SORCS3: variants seen among roughly 807,000 people sequenced by gnomAD.
SORCS3 encodes the protein VPS10 domain-containing receptor SorCS3.
SORCS3 carries 57 observed loss-of-function variants against 146.3 expected under a neutral mutation model. The observed-to-expected ratio is 0.39, with a 90% confidence interval of 0.31 to 0.49. The LOEUF (loss-of-function observed/expected upper bound fraction) is 0.49. Among genes scored for constraint, SORCS3 ranks in the 20% least tolerant of loss-of-function variants. The pLI, the probability that SORCS3 is intolerant of heterozygous loss-of-function variation, is 0.92. For synonymous variants in SORCS3, 653 were observed against 618.5 expected, an observed-to-expected ratio of 1.06 and a Z score of -0.83; for missense variants, 1,341 against 1,575.5, an observed-to-expected ratio of 0.85 and a Z score of 2.52.
At chr10:104,815,096 C>T (rs1375694049) in intron 1 of SORCS3, among the ~76,000 whole-genome samples, 1 of 152,062 alleles carries the variant, frequency 6.6e-6, no homozygotes, top group Non-Finnish European at 1.5e-5. Flanking sequence ...GACACCTGTG[C>T]GTGATTACTG....
At chr10:104,818,403 T>TC (rs1441390831) in intron 1 of SORCS3, among the ~76,000 whole-genome samples, 14 of 151,394 alleles carry the variant, frequency 9.2e-5, no homozygotes, top group South Asian at 8.4e-4. Flanking sequence ...CTTCCTTCCT[T>TC]CTTTCTCTCT....
At chr10:104,849,416 A>C (rs1382956804) in intron 2 of SORCS3, among the ~76,000 whole-genome samples, 1 of 16,060 alleles carries the variant, frequency 6.2e-5, no homozygotes, top group Non-Finnish European at 1.4e-4. Context: ...CATCTCAAAA[A>C]AAAAAAAAAA....
chr10:105,071,464 C>T (rs546004987), intron 5 of SORCS3, among the ~76,000 whole-genome samples: 18 of 152,308 alleles, frequency 1.2e-4, no homozygotes, highest in Admixed American at 6.5e-4. Flanking sequence ...GTCCAGATAC[C>T]GTGCTAAGCA....
intron 4 of SORCS3, among the ~76,000 whole-genome samples, chr10:104,977,969 A>G (rs1361494175): frequency 6.6e-6 from 1 of 151,934 alleles, no homozygotes; most frequent in Admixed American, 6.6e-5. Context: ...TAACCTCGTG[A>G]TCCGCCCGCC....
rs1297661865 is a variant in SORCS3 at position 105,157,262 on chromosome 10, G to A, written c.1607G>A (p.Gly536Glu). ...CAAGCTCCGGATGTGGACCTGAGAG[G>A]AAGCCCAGTGCACTGCCTGCTGGTC... ...LLQAPDVDLR[G>E]SPVHCLLPFC... The change falls in exon 10 of 27, where the codon GGA becomes GAA. Residue 536 changes from glycine to glutamate, a missense_variant. Physicochemically the swap from Gly to Glu is moderately conservative, Grantham distance 98 (BLOSUM62 -2). Transcript: ENST00000369701. 4 of 1,614,052 alleles carry A rather than the reference G, an allele frequency of 2.5e-6. No individual in the cohort carries two copies. In the South Asian group the frequency reaches 4.4e-5, roughly 18 times the overall value.
At chr10:105,096,678 G>A (rs1319525168) in intron 6 of SORCS3, among the ~76,000 whole-genome samples, 2 of 152,158 alleles carry the variant, frequency 1.3e-5, no homozygotes, top group African/African-American at 4.8e-5. Flanking sequence ...TGAATTGGAT[G>A]AGTTTCCACC....
At chr10:104,673,795 T>C (rs1172208419) in intron 1 of SORCS3, among the ~76,000 whole-genome samples, 3 of 152,120 alleles carry the variant, frequency 2.0e-5, no homozygotes, top group Non-Finnish European at 4.4e-5. Flanking sequence ...GTGGTTACCA[T>C]AGGGATTATA....
intron 11 of SORCS3, among the ~76,000 whole-genome samples, chr10:105,159,853 C>T (rs1430509972): frequency 6.6e-6 from 1 of 152,156 alleles, no homozygotes; most frequent in Non-Finnish European, 1.5e-5. Context: ...TTTTAGATAC[C>T]ACCAGTGATG....
intron 1 of SORCS3, among the ~76,000 whole-genome samples, chr10:104,833,322 G>C (rs1393565820): frequency 6.6e-6 from 1 of 152,196 alleles, no homozygotes; most frequent in Non-Finnish European, 1.5e-5. Context: ...ACGATGTTGA[G>C]ACTCAGCATT....
chr10:104,963,686 T>G (rs1008324553), intron 3 of SORCS3, among the ~76,000 whole-genome samples: 8 of 152,164 alleles, frequency 5.3e-5, no homozygotes, highest in Admixed American at 5.2e-4. Context: ...CCTTGTACAT[T>G]GCTCTTCTAC....
intron 7 of SORCS3, among the ~76,000 whole-genome samples, chr10:105,138,859 G>C (rs936234220): frequency 6.6e-6 from 1 of 152,196 alleles, no homozygotes; most frequent in Non-Finnish European, 1.5e-5. Context: ...CGTGGAAAGA[G>C]TCAATAAATA....
At chr10:105,019,937 T>C (rs953563747) in intron 4 of SORCS3, among the ~76,000 whole-genome samples, 1 of 152,206 alleles carries the variant, frequency 6.6e-6, no homozygotes, top group African/African-American at 2.4e-5. Flanking sequence ...GATTCTCTTC[T>C]GTATTAAAAG....
At chr10:105,012,776 G>A (rs983169031) in intron 4 of SORCS3, among the ~76,000 whole-genome samples, 5 of 152,164 alleles carry the variant, frequency 3.3e-5, no homozygotes, top group African/African-American at 1.2e-4. Flanking sequence ...AATATTGTAC[G>A]TTGAAGCATT....
At chr10:104,974,862 C>T (rs1358777707) in intron 3 of SORCS3, among the ~76,000 whole-genome samples, 2 of 152,098 alleles carry the variant, frequency 1.3e-5, no homozygotes, top group Non-Finnish European at 1.5e-5. Context: ...TTTAGTGCTT[C>T]CTTCAGGAGC....
At chr10:105,011,773 T>A (rs1406963019) in intron 4 of SORCS3, among the ~76,000 whole-genome samples, 1 of 152,146 alleles carries the variant, frequency 6.6e-6, no homozygotes, top group Non-Finnish European at 1.5e-5. Flanking sequence ...TTTCCACCAG[T>A]GTTTATTGAA....
chr10:105,263,304 C>G lies in SORCS3; in HGVS notation c.3605-6C>G, dbSNP rs773956169. ...CATTTCTCCCTGTGTCTTCTCTTCTCTGCAGGAGGCATTGCCACTATTGCA... is the reference window on the plus strand; with the variant it reads ...CATTTCTCCCTGTGTCTTCTCTTCTGTGCAGGAGGCATTGCCACTATTGCA... On this transcript the variant is annotated splice_region_variant and splice_polypyrimidine_tract_variant and intron_variant, in intron 26 of 26. Transcript: ENST00000369701. The G allele has an allele frequency of 6.2e-7, 1 of 1,613,940 alleles. No individual in the cohort carries two copies. The highest frequency in any genetic ancestry group is 1.7e-5 in the Admixed American group (1 of 59,996).
At chr10:104,759,198 C>A (rs1012720353) in intron 1 of SORCS3, among the ~76,000 whole-genome samples, 3 of 152,120 alleles carry the variant, frequency 2.0e-5, no homozygotes, top group Admixed American at 6.6e-5. Flanking sequence ...AGGTTGCCAT[C>A]AAACAACTAG....
At chr10:104,824,633 G>A (rs549723686) in intron 1 of SORCS3, among the ~76,000 whole-genome samples, 70 of 152,316 alleles carry the variant, frequency 4.6e-4, no homozygotes, top group African/African-American at 1.5e-3. Context: ...TGTCCCAGGT[G>A]CTGGAGATAT....
At chr10:104,852,889 T>C (rs1223380544) in intron 2 of SORCS3, among the ~76,000 whole-genome samples, 1 of 152,212 alleles carries the variant, frequency 6.6e-6, no homozygotes, top group Non-Finnish European at 1.5e-5. Flanking sequence ...TAGAGAGTGG[T>C]TCCACAAGAG....
Sources: allele counts gnomAD v4.1 joint callset (sites outside exome capture counted in the v4.1 genomes callset), GRCh38; gene constraint gnomAD v4.1.1; transcripts MANE v1.5; gene names NCBI Gene and HGNC (gene_info 2026-07-23, HGNC 2026-07-21).